Variants in KCNH8 observed in about 807,000 individuals in gnomAD.
The protein encoded by KCNH8 is voltage-gated delayed rectifier potassium channel KCNH8.
In KCNH8, 70 loss-of-function variants were observed where a neutral mutation model predicts 103.6. That is an observed-to-expected ratio of 0.68 (90% CI 0.56 to 0.82). The LOEUF is 0.82. Ranked by LOEUF, KCNH8 falls within the 40% of genes least tolerant of loss-of-function variation. The pLI is 0.00. For missense variants in KCNH8, 1,217 were observed against 1,329.9 expected, an observed-to-expected ratio of 0.92 and a Z score of 1.32; for synonymous variants, 498 against 489.4, an observed-to-expected ratio of 1.02 and a Z score of -0.23.
At chr3:19,375,830 G>C (rs2066186836) in intron 5 of KCNH8, among the ~76,000 whole-genome samples, 1 of 152,106 alleles carries the variant, frequency 6.6e-6, no homozygotes, top group Non-Finnish European at 1.5e-5. Flanking sequence ...TAACAGACAG[G>C]GCCCTCAGCT....
At chr3:19,193,713 T>G (rs1186962832) in intron 1 of KCNH8, among the ~76,000 whole-genome samples, 1 of 151,750 alleles carries the variant, frequency 6.6e-6, no homozygotes, top group Non-Finnish European at 1.5e-5. Context: ...AAGTACTGAG[T>G]ATTAAATTGG....
chr3:19,500,747 A>G (rs974206476), intron 11 of KCNH8, among the ~76,000 whole-genome samples: 6 of 152,220 alleles, frequency 3.9e-5, no homozygotes, highest in African/African-American at 9.6e-5. Context: ...ACAAAGACAC[A>G]ACATACCAGA....
At position 19,238,859 on chromosome 3, in the gene KCNH8, G is replaced by A. The variant is rs151010560; in HGVS notation, c.77-14795G>A. Among the ~76,000 whole-genome samples the A allele has an allele frequency of 5.3e-5, 8 of 152,250 alleles. No homozygotes were observed. In the East Asian group the frequency reaches 9.6e-4, roughly 18 times the overall value. On this transcript the variant is annotated intron_variant, in intron 1 of 15. Transcript: ENST00000328405. ...GTGTCTAGCAGTGAGCAGGAGAAGC[G>A]TATCTTACAGTTTTTTAATTCCAGA...
intron 7 of KCNH8, among the ~76,000 whole-genome samples, chr3:19,404,591 G>C (rs1481618675): frequency 6.6e-6 from 1 of 151,840 alleles, no homozygotes; most frequent in Non-Finnish European, 1.5e-5. Context: ...GAGTGTCATG[G>C]ACTTCTATAT....
At chr3:19,311,958 A>T (rs1214863476) in intron 3 of KCNH8, among the ~76,000 whole-genome samples, 10 of 151,944 alleles carry the variant, frequency 6.6e-5, no homozygotes, top group Admixed American at 6.6e-4. Context: ...AATTGATATA[A>T]GGCTGACAGA....
rs1349689910 is a variant in KCNH8, at chr3:19,534,394, A to G, written c.*295A>G. On this transcript the variant is annotated 3_prime_UTR_variant, in exon 16 of 16. Transcript: ENST00000328405. The stretch of plus-strand genomic sequence containing the variant: ...GTCTGAGCAGCTAGAAGTCCTAGAC[A>G]AAGAACTTGTGGATGACTTTTGTCC... 3 of 383,230 alleles carry G rather than the reference A, an allele frequency of 7.8e-6. No homozygotes were observed. The highest frequency in any genetic ancestry group is 1.4e-5 in the Non-Finnish European group (3 of 214,810). The allele number at this position is 383,230 out of a possible 1,614,324, so 23.7% of individuals were successfully genotyped here.
intron 5 of KCNH8, among the ~76,000 whole-genome samples, chr3:19,381,555 T>C (rs893674244): frequency 1.3e-5 from 2 of 151,246 alleles, no homozygotes; most frequent in Non-Finnish European, 3.0e-5. Flanking sequence ...TGCTGGCGGG[T>C]GGGGGAGATT....
intron 2 of KCNH8, among the ~76,000 whole-genome samples, chr3:19,258,947 CTATATATATATA>C (rs71055060): frequency 2.5e-3 from 63 of 24,794 alleles, no homozygotes; most frequent in African/African-American, 6.0e-3. Flanking sequence ...CTCTCTCTCT[CTATATATATATA>C]TATATATATA....
intron 3 of KCNH8, 52 bp downstream of exon 3, chr3:19,281,381 G>A (rs1464017872): frequency 3.3e-6 from 5 of 1,514,120 alleles, no homozygotes; most frequent in Non-Finnish European, 4.4e-6. Context: ...TTTTGAAATT[G>A]TTTACTTAAA....
chr3:19,451,305 G>A lies in KCNH8; in HGVS notation c.1726G>A (p.Glu576Lys). The A allele has an allele frequency of 6.2e-7, 1 of 1,613,914 alleles. No individual in the cohort carries two copies. Among genetic ancestry groups the A allele is most frequent in the Non-Finnish European group, 8.5e-7 (1 of 1,179,902 alleles). Reference sequence around the variant, plus strand: ...CAAAACCTCTTTCTGTGCTCCGGGGGAGTATCTGCTGCGTCAAGGGGATGC... The same window carrying A: ...CAAAACCTCTTTCTGTGCTCCGGGGAAGTATCTGCTGCGTCAAGGGGATGC... ...HIKTSFCAPGEYLLRQGDALQ... is the reference protein window; with the variant it reads ...HIKTSFCAPGKYLLRQGDALQ... The change falls in exon 10 of 16, where the codon GAG (glutamate) becomes AAG (lysine). Residue 576 changes from glutamate (E) to lysine (K), a missense_variant. By Grantham distance (56) the Glu-to-Lys change is moderately conservative (BLOSUM62 1). Transcript: ENST00000328405.
intron 7 of KCNH8, among the ~76,000 whole-genome samples, chr3:19,433,777 G>A (rs2067156481): frequency 6.6e-6 from 1 of 152,148 alleles, no homozygotes; most frequent in African/African-American, 2.4e-5. Flanking sequence ...GTCAAACTGG[G>A]ACCTAAATTT....
chr3:19,298,165 T>A (rs1033733756), intron 3 of KCNH8, among the ~76,000 whole-genome samples: 1 of 152,236 alleles, frequency 6.6e-6, no homozygotes, highest in Admixed American at 6.5e-5. Flanking sequence ...TGACCTAATG[T>A]CATGTGATTG....
chr3:19,320,895 C>G (rs2065341651), intron 3 of KCNH8, among the ~76,000 whole-genome samples: 1 of 151,690 alleles, frequency 6.6e-6, no homozygotes, highest in African/African-American at 2.4e-5. Context: ...CTATTTCTTC[C>G]TGGTTTAATC....
Position 19,404,600 on chromosome 3 carries a change from AT to A in KCNH8, c.1177+9292del, listed in dbSNP as rs2066663839. ...CTCTGGGAGTGTCATGGACTTCTAT[AT>A]TTAAATGAGTTCAGTGTTGAAGACA... On this transcript the variant is annotated intron_variant, in intron 7 of 15. Transcript: ENST00000328405. Among the ~76,000 whole-genome samples, 3 of 151,994 alleles carry A rather than the reference AT, an allele frequency of 2.0e-5. No homozygotes were observed. In the South Asian group the frequency reaches 6.2e-4, roughly 31 times the overall value.
chr3:19,410,210 G>A (rs1416418370), intron 7 of KCNH8, among the ~76,000 whole-genome samples: 2 of 151,984 alleles, frequency 1.3e-5, no homozygotes, highest in East Asian at 3.9e-4. Context: ...AGACCACAGT[G>A]GAATACAATA....
intron 1 of KCNH8, among the ~76,000 whole-genome samples, chr3:19,177,635 C>T (rs933629179): frequency 6.6e-6 from 1 of 151,766 alleles, no homozygotes; most frequent in African/African-American, 2.4e-5. Context: ...TATTTTTATA[C>T]ACCTACAGAG....
intron 3 of KCNH8, among the ~76,000 whole-genome samples, chr3:19,311,049 C>G (rs886346647): frequency 6.6e-6 from 1 of 151,696 alleles, no homozygotes; most frequent in African/African-American, 2.4e-5. Context: ...CCTCCTTTCC[C>G]GTCTGCTTAT....
At chr3:19,283,216 T>C (rs377705513) in intron 3 of KCNH8, among the ~76,000 whole-genome samples, 1 of 152,170 alleles carries the variant, frequency 6.6e-6, no homozygotes, top group African/African-American at 2.4e-5. Flanking sequence ...ACCTGTCATT[T>C]GGAAGTGAAG....
At chr3:19,238,909 A>G (rs900156176) in intron 1 of KCNH8, among the ~76,000 whole-genome samples, 3 of 152,200 alleles carry the variant, frequency 2.0e-5, no homozygotes, top group African/African-American at 7.2e-5. Flanking sequence ...AGTAGCTTTA[A>G]TTTTTACTCA....
Sources: gnomAD v4.1 joint callset for allele counts (sites outside exome capture counted in the v4.1 genomes callset) on GRCh38, gnomAD v4.1.1 for gene constraint, MANE v1.5 for transcripts, NCBI Gene and HGNC (gene_info 2026-07-23, HGNC 2026-07-21) for gene names.